The following RPS6KA6 variants were observed in gnomAD, a reference collection of about 807,000 sequenced individuals.
RPS6KA6 encodes the protein ribosomal protein S6 kinase alpha-6.
A neutral mutation model predicts 65.4 loss-of-function variants in RPS6KA6; 27 were observed. The ratio of observed to expected loss-of-function variants is 0.41; its 90% CI spans 0.30 to 0.57. The LOEUF (loss-of-function observed/expected upper bound fraction) is 0.57. RPS6KA6 is among the 20% of genes least tolerant of loss of function. The pLI, the probability that RPS6KA6 is intolerant of heterozygous loss-of-function variation, is 0.24. For missense variants in RPS6KA6, 486 were observed against 555.6 expected (o/e 0.87, Z 1.26); for synonymous variants, 190 against 184.2 (o/e 1.03, Z -0.26).
At chrX:84,072,240 G>A (rs2033559951) in intron 20 of RPS6KA6, among the ~76,000 whole-genome samples, 1 of 111,900 alleles carries the variant, frequency 8.9e-6, no homozygotes, top group African/African-American at 3.2e-5. Context: ...AGGAATAAAA[G>A]GATGGTTCAA....
chrX:84,170,944 G>A (rs2035673756), intron 1 of RPS6KA6, among the ~76,000 whole-genome samples: 1 of 111,203 alleles, frequency 9.0e-6, no homozygotes, highest in Admixed American at 9.6e-5. Flanking sequence ...GTAATTAAGT[G>A]ACCATGTTGA....
chrX:84,150,820 T>A (rs2035288117), intron 3 of RPS6KA6, among the ~76,000 whole-genome samples: 2 of 101,243 alleles, frequency 2.0e-5, no homozygotes, highest in African/African-American at 7.2e-5. Flanking sequence ...ATATATAGGA[T>A]ATATATATAG....
intron 8 of RPS6KA6, among the ~76,000 whole-genome samples, chrX:84,123,601 C>T (rs1326556339): frequency 8.9e-6 from 1 of 112,307 alleles, no homozygotes; most frequent in Non-Finnish European, 1.9e-5. Context: ...AGGCCCTTCT[C>T]CCTGTGGAGA....
At position 84,180,885 on chromosome X, in the gene RPS6KA6, C is replaced by T. The variant is rs757589193; in HGVS notation, c.81+6934G>A. 3.6e-5 allele frequency among the ~76,000 whole-genome samples: 4 copies of T among 111,531 alleles called. No homozygotes were observed. In the South Asian group the frequency reaches 1.1e-3, roughly 31 times the overall value. Reference sequence around the variant, plus strand: ...AAATAATCTAGGTTCAAATTCCAGACGTATTTCCTACTAACTTGCATGTAT... The same window carrying T: ...AAATAATCTAGGTTCAAATTCCAGATGTATTTCCTACTAACTTGCATGTAT... On this transcript the variant is annotated intron_variant, in intron 1 of 21. Transcript: ENST00000262752.
intron 12 of RPS6KA6, among the ~76,000 whole-genome samples, chrX:84,114,582 AT>A (rs1193143387): frequency 1.6e-4 from 18 of 112,031 alleles, no homozygotes; most frequent in Middle Eastern, 4.6e-3. Context: ...TATGAATGCC[AT>A]CCTTCAGAGA....
chrX:84,167,352 C>T (rs2035613624), intron 1 of RPS6KA6, among the ~76,000 whole-genome samples: 1 of 111,885 alleles, frequency 8.9e-6, no homozygotes, highest in Admixed American at 9.5e-5. Flanking sequence ...ACTTTTTACT[C>T]ATCAATAAAA....
chrX:84,154,531 A>C (rs1244422602), intron 3 of RPS6KA6, among the ~76,000 whole-genome samples: 1 of 110,792 alleles, frequency 9.0e-6, no homozygotes, highest in Admixed American at 9.6e-5. Flanking sequence ...TTAACACCAT[A>C]AAAATAGCTA....
chrX:84,107,216 T>C (rs1272152864), intron 13 of RPS6KA6, among the ~76,000 whole-genome samples, 176 bp from the exon 14 acceptor site: 1 of 111,921 alleles, frequency 8.9e-6, no homozygotes, highest in Non-Finnish European at 1.9e-5. Context: ...TTTTAGTCAG[T>C]ATTTTTTGTC....
At chrX:84,131,079 G>C (rs1303279182) in intron 8 of RPS6KA6, among the ~76,000 whole-genome samples, 1 of 111,803 alleles carries the variant, frequency 8.9e-6, no homozygotes, top group African/African-American at 3.2e-5. Flanking sequence ...GTTTCCCATG[G>C]TAAAATCTTG....
intron 18 of RPS6KA6, 65 bp downstream of exon 18, chrX:84,101,972 G>A: frequency 1.1e-6 from 1 of 890,279 alleles, no homozygotes; most frequent in Non-Finnish European, 1.5e-6. Flanking sequence ...ACATTCATAT[G>A]GCATCATATA....
intron 2 of RPS6KA6, among the ~76,000 whole-genome samples, chrX:84,158,435 C>T (rs951929920): frequency 9.1e-6 from 1 of 110,256 alleles, no homozygotes; most frequent in Non-Finnish European, 1.9e-5. Context: ...TATATACCCA[C>T]GATTTCTTTT....
At position 84,125,621 on chromosome X, in the gene RPS6KA6, G is replaced by A. The variant is rs1329021027; in HGVS notation, c.647-5594C>T. Among the ~76,000 whole-genome samples, 4 of 111,280 alleles carry A rather than the reference G, an allele frequency of 3.6e-5. No individual in the cohort carries two copies. In the Admixed American group the frequency reaches 3.8e-4, roughly 11 times the overall value. On this transcript the variant is annotated intron_variant, in intron 8 of 21. Coordinates refer to ENST00000262752, the MANE Select transcript of RPS6KA6 (RefSeq NM_014496.5). The stretch of plus-strand genomic sequence containing the variant: ...TGTAATCACAGCACTTTGGGAGGCC[G>A]AGGCGGGCAGATCACAAGTTCAAGA...
chrX:84,114,413 A>C (rs1231512019), intron 12 of RPS6KA6, among the ~76,000 whole-genome samples: 1 of 110,709 alleles, frequency 9.0e-6, no homozygotes, highest in East Asian at 2.8e-4. Context: ...GCTTAAGTCT[A>C]GGAGGTCAAA....
intron 20 of RPS6KA6, among the ~76,000 whole-genome samples, chrX:84,071,364 T>A (rs2033538959): frequency 9.0e-6 from 1 of 111,292 alleles, no homozygotes; most frequent in South Asian, 3.7e-4. Flanking sequence ...CCCGCCAAAA[T>A]GGAAAACATC....
At chrX:84,159,891 AAGG>A (rs113047049) in intron 2 of RPS6KA6, among the ~76,000 whole-genome samples, 13 of 110,619 alleles carry the variant, frequency 1.2e-4, no homozygotes, top group African/African-American at 3.9e-4. Context: ...GTAAAGGCAC[AAGG>A]AGAAGACTCA....
At chrX:84,184,784 G>A (rs1226991514) in intron 1 of RPS6KA6, among the ~76,000 whole-genome samples, 2 of 88,438 alleles carry the variant, frequency 2.3e-5, no homozygotes, top group East Asian at 3.5e-4. Context: ...CCAGGAGTTC[G>A]AGGCCAGCCT....
intron 8 of RPS6KA6, among the ~76,000 whole-genome samples, chrX:84,120,824 TA>T (rs1393715262): frequency 9.0e-6 from 1 of 111,651 alleles, no homozygotes; most frequent in Non-Finnish European, 1.9e-5. Flanking sequence ...ACAATTTGTA[TA>T]AAAAAGTCAA....
At chrX:84,139,606 A>T (rs1220297168) in intron 6 of RPS6KA6, among the ~76,000 whole-genome samples, 1 of 111,623 alleles carries the variant, frequency 9.0e-6, no homozygotes, top group African/African-American at 3.3e-5. Flanking sequence ...GAGCTCTGGG[A>T]ATCAACAGTA....
chrX:84,130,880 G>A (rs1040503913), intron 8 of RPS6KA6, among the ~76,000 whole-genome samples: 6 of 111,778 alleles, frequency 5.4e-5, no homozygotes, highest in African/African-American at 1.9e-4. Context: ...AGAATTTGGG[G>A]GAGGAGGGTT....
Sources: allele counts gnomAD v4.1 joint callset (sites outside exome capture counted in the v4.1 genomes callset), GRCh38; gene constraint gnomAD v4.1.1; transcripts MANE v1.5; gene names NCBI Gene and HGNC (gene_info 2026-07-23, HGNC 2026-07-21).